PRKCE: variants seen among roughly 807,000 people sequenced by gnomAD.
PRKCE encodes the protein protein kinase C epsilon, also known as protein kinase C epsilon type.
Under a neutral mutation model 85.4 loss-of-function variants are expected in PRKCE, and 16 were observed. The observed-to-expected ratio is 0.19, with a 90% CI of 0.13 to 0.28. The LOEUF (loss-of-function observed/expected upper bound fraction) is 0.28, where lower values mean the gene tolerates loss of function less well. Among genes scored for constraint, PRKCE ranks in the 10% least tolerant of loss-of-function variants. The probability of loss-of-function intolerance (pLI) is 1.00; values close to 1 mark genes in which losing one functional copy is unlikely to be tolerated. For synonymous variants in PRKCE, 388 were observed against 371.5 expected (o/e 1.04, Z -0.51); for missense variants, 573 against 975.2 (o/e 0.59, Z 5.49).
chr2:45,845,346 C>G (rs1248940110), intron 2 of PRKCE: 2 of 151,292 alleles, frequency 1.3e-5, no homozygotes, highest in Admixed American at 6.6e-5. Flanking sequence ...CACAACCACC[C>G]TCCTGGATTT....
intron 2 of PRKCE, among the ~76,000 whole-genome samples, chr2:45,927,468 C>A (rs1337842904): frequency 6.6e-6 from 1 of 152,186 alleles, no homozygotes; most frequent in Non-Finnish European, 1.5e-5. Context: ...GAGGTACCTC[C>A]CTCCAGGTCT....
intron 2 of PRKCE, among the ~76,000 whole-genome samples, chr2:45,881,579 T>C (rs1031057281): frequency 3.3e-5 from 5 of 152,246 alleles, no homozygotes; most frequent in African/African-American, 1.2e-4. Context: ...ACATAGTGCT[T>C]ACTATTCCCC....
intron 1 of PRKCE, among the ~76,000 whole-genome samples, chr2:45,732,822 G>A (rs924472317): frequency 2.0e-5 from 3 of 152,296 alleles, no homozygotes; most frequent in East Asian, 1.9e-4. Flanking sequence ...AAACCGACAT[G>A]AGTGAACTGT....
chr2:46,097,314 C>T (rs543279800), intron 11 of PRKCE, among the ~76,000 whole-genome samples: 9 of 152,102 alleles, frequency 5.9e-5, no homozygotes, highest in Non-Finnish European at 4.4e-5. Flanking sequence ...GTCAGGAGAT[C>T]GAGACCATCC....
rs1035081708 is a variant in PRKCE at position 45,816,878 on chromosome 2, G to A, written c.349-26122G>A. ...GATCGGCTTAATTCCTTTTGGTACA[G>A]CTCTTTTAAAGAGACCCCCTGCTCG... On this transcript the variant is annotated intron_variant, in intron 1 of 14. Coordinates refer to ENST00000306156, the MANE Select transcript of PRKCE (RefSeq NM_005400.3). Among the ~76,000 whole-genome samples, 3 of 152,162 alleles carry A rather than the reference G, an allele frequency of 2.0e-5. No homozygotes were observed. In the South Asian group the frequency reaches 6.2e-4, roughly 31 times the overall value.
chr2:45,673,387 A>G (rs1180811198), intron 1 of PRKCE, among the ~76,000 whole-genome samples: 2 of 152,332 alleles, frequency 1.3e-5, no homozygotes, highest in Admixed American at 1.3e-4. Flanking sequence ...ACAGCCTTCG[A>G]TAGGCTATTT....
intron 11 of PRKCE, among the ~76,000 whole-genome samples, chr2:46,094,928 T>G (rs527485460): frequency 1.3e-5 from 2 of 152,360 alleles, no homozygotes; most frequent in African/African-American, 4.8e-5. Flanking sequence ...TATGGATCTA[T>G]TTCTCTTTTC....
chr2:45,854,065 A>G (rs1045040093), intron 2 of PRKCE, among the ~76,000 whole-genome samples: 3 of 152,108 alleles, frequency 2.0e-5, no homozygotes, highest in Non-Finnish European at 4.4e-5. Context: ...GTACTCACAT[A>G]TTTATATTGT....
intron 1 of PRKCE, among the ~76,000 whole-genome samples, chr2:45,747,822 C>G (rs1270346006): frequency 1.3e-5 from 2 of 152,184 alleles, no homozygotes; most frequent in Admixed American, 1.3e-4. Context: ...TTCCCACTGA[C>G]AATGCACAAG....
At chr2:45,896,645 G>A (rs1336706906) in intron 2 of PRKCE, among the ~76,000 whole-genome samples, 1 of 152,214 alleles carries the variant, frequency 6.6e-6, no homozygotes. Flanking sequence ...GTAGCGCAGT[G>A]CATGTATACT....
chr2:46,186,047 C>T lies in PRKCE; in HGVS notation c.*1166C>T, dbSNP rs1294903336. The T allele has an allele frequency of 3.9e-5, 6 of 152,734 alleles. No individual in the cohort carries two copies. Among genetic ancestry groups the T allele is most frequent in the African/African-American group, 1.4e-4 (6 of 41,564 alleles). The allele number at this position is 152,734 out of a possible 1,614,324, so 9.5% of individuals were successfully genotyped here. A position where few individuals can be genotyped will look rare whatever the true frequency, so the allele number is the denominator to read the frequency against. On this transcript the variant is annotated 3_prime_UTR_variant, in exon 15 of 15. Transcript: ENST00000306156. ...CAAAGGGTATCTGGAAACTGAAGAG[C>T]AACTTGTTAGAAAACTGACAATGTC...
intron 1 of PRKCE, among the ~76,000 whole-genome samples, chr2:45,711,689 A>G (rs1192047535): frequency 6.6e-6 from 1 of 151,758 alleles, no homozygotes; most frequent in Non-Finnish European, 1.5e-5. Context: ...GTGCAATGGC[A>G]TGATCTTGGC....
At chr2:45,654,970 A>G (rs1356187866) in intron 1 of PRKCE, among the ~76,000 whole-genome samples, 1 of 152,222 alleles carries the variant, frequency 6.6e-6, no homozygotes, top group Non-Finnish European at 1.5e-5. Context: ...CCTGGCAGGA[A>G]TGAAGAAACA....
intron 11 of PRKCE, among the ~76,000 whole-genome samples, chr2:46,093,403 G>GTT (rs34795658): frequency 4.1e-5 from 6 of 146,082 alleles, no homozygotes; most frequent in African/African-American, 1.3e-4. Context: ...TAAAAAAGCA[G>GTT]TTTTTTTTTT....
chr2:45,940,981 G>C (rs571687533), intron 2 of PRKCE, among the ~76,000 whole-genome samples: 1 of 147,336 alleles, frequency 6.8e-6, no homozygotes, highest in Non-Finnish European at 1.5e-5. Context: ...CAGGAGACTC[G>C]CTTGAGCCTG....
intron 2 of PRKCE, among the ~76,000 whole-genome samples, chr2:45,939,363 C>T (rs565481953): frequency 6.6e-6 from 1 of 152,304 alleles, no homozygotes; most frequent in South Asian, 2.1e-4. Context: ...GTCTTACTGT[C>T]AGGCAGTTGG....
rs1242512427 is a variant in PRKCE, at chr2:45,971,063, A to G, written c.413-5366A>G. On this transcript the variant is annotated intron_variant, in intron 2 of 14. Coordinates refer to ENST00000306156, the MANE Select transcript of PRKCE (RefSeq NM_005400.3). ...GATGTACGCTTTCAGCAAATTAAGT[A>G]TACAATGCAGTGTGTTAACTATAGG... Among the ~76,000 whole-genome samples the G allele has an allele frequency of 3.3e-5, 5 of 152,254 alleles. No homozygotes were observed. The South Asian group carries it at 8.3e-4, about 25-fold the overall frequency.
At chr2:45,658,203 G>T (rs1400078359) in intron 1 of PRKCE, among the ~76,000 whole-genome samples, 10 of 152,112 alleles carry the variant, frequency 6.6e-5, no homozygotes. Context: ...AAGGGTCCCT[G>T]GATCTCCCTT....
At chr2:45,940,337 A>C (rs1021357240) in intron 2 of PRKCE, among the ~76,000 whole-genome samples, 1 of 152,240 alleles carries the variant, frequency 6.6e-6, no homozygotes, top group Non-Finnish European at 1.5e-5. Context: ...GGGATTTGGG[A>C]AACAGACCTT....
Sources: allele counts gnomAD v4.1 joint callset (sites outside exome capture counted in the v4.1 genomes callset), GRCh38; gene constraint gnomAD v4.1.1; transcripts MANE v1.5; gene names NCBI Gene and HGNC (gene_info 2026-07-23, HGNC 2026-07-21).